The following KSR1 variants were observed in gnomAD, a reference collection of about 807,000 sequenced individuals.
KSR1 encodes kinase suppressor of ras.
Under a neutral mutation model 92.9 loss-of-function variants are expected in KSR1, and 35 were observed. The ratio of observed to expected loss-of-function variants is 0.38; its 90% CI spans 0.29 to 0.50. KSR1 has a LOEUF of 0.50. KSR1 is among the 20% of genes least tolerant of loss of function. The probability of loss-of-function intolerance (pLI) is 0.94; values close to 1 mark genes in which losing one functional copy is unlikely to be tolerated. For synonymous variants in KSR1, 467 were observed against 472.6 expected (o/e 0.99, Z 0.15); for missense variants, 972 against 1,158.5 (o/e 0.84, Z 2.34).
intron 1 of KSR1, among the ~76,000 whole-genome samples, chr17:27,546,389 T>C (rs1270778721): frequency 6.6e-6 from 1 of 152,208 alleles, no homozygotes; most frequent in Admixed American, 6.5e-5. Context: ...GAAAAATTAA[T>C]TATCTTCCTT....
At chr17:27,583,176 G>A in intron 4 of KSR1, 71 bp downstream of exon 4, 1 of 1,118,488 alleles carries the variant, frequency 8.9e-7, no homozygotes, top group East Asian at 2.6e-5. Flanking sequence ...TATATGGAAG[G>A]ACCAATAAAA....
intron 17 of KSR1, 56 bp downstream of exon 17, chr17:27,610,254 T>C (rs2073877172): frequency 6.2e-7 from 1 of 1,609,994 alleles, no homozygotes; most frequent in South Asian, 1.1e-5. Context: ...AGGGCCCTGG[T>C]GGCCATTGGG....
At chr17:27,587,635 T>A (rs1172502712) in intron 5 of KSR1, 1 of 152,296 alleles carries the variant, frequency 6.6e-6, no homozygotes, top group Admixed American at 6.5e-5. Context: ...AGCCCACCCA[T>A]GGGCTGGCTC....
rs1316240118 is a variant in KSR1 at position 27,577,479 on chromosome 17, T to C, written c.373-13T>C. On this transcript the variant is annotated splice_polypyrimidine_tract_variant and intron_variant, in intron 2 of 20. Coordinates refer to ENST00000644974, the MANE Select transcript of KSR1 (RefSeq NM_001394583.1). This position sits in a 1 kb window ranked among gnomAD's most constrained non-coding sequence, Gnocchi z 4.5. ...TGCTCACCGCCTCTCTGCCTGTCCCTCTGTCCCCTTAGGAGATCCCCCGAG... is the reference window on the plus strand; with the variant it reads ...TGCTCACCGCCTCTCTGCCTGTCCCCCTGTCCCCTTAGGAGATCCCCCGAG... 2 of 1,477,096 alleles carry C rather than the reference T, an allele frequency of 1.4e-6. No homozygotes were observed. The highest frequency in any genetic ancestry group is 2.4e-5 in the South Asian group (2 of 83,122). The allele number at this position is 1,477,096 out of a possible 1,614,324, so 91.5% of individuals were successfully genotyped here.
intron 1 of KSR1, among the ~76,000 whole-genome samples, chr17:27,521,897 C>T (rs972914249): frequency 6.6e-6 from 1 of 152,210 alleles, no homozygotes; most frequent in South Asian, 2.1e-4. Flanking sequence ...TGCTTATCAC[C>T]CATGCTGCTA....
At chr17:27,616,084 A>G (rs2074046060) in intron 18 of KSR1, among the ~76,000 whole-genome samples, 1 of 152,078 alleles carries the variant, frequency 6.6e-6, no homozygotes, top group Admixed American at 6.5e-5. Flanking sequence ...CTGAGGGTAG[A>G]GTTTTTTTGT....
intron 18 of KSR1, among the ~76,000 whole-genome samples, chr17:27,611,970 A>C (rs1455879054): frequency 2.6e-5 from 4 of 152,218 alleles, no homozygotes; most frequent in African/African-American, 9.7e-5. Context: ...TTTTTTAAAA[A>C]AATCACTGCT....
At chr17:27,547,672 G>A (rs779375141) in intron 1 of KSR1, among the ~76,000 whole-genome samples, 19 of 152,168 alleles carry the variant, frequency 1.2e-4, no homozygotes, top group Non-Finnish European at 2.5e-4. Flanking sequence ...AGGCTGAAGT[G>A]CAGTCAGACA....
At chr17:27,585,520 G>A in intron 4 of KSR1, 137 bp from the exon 5 acceptor site, 1 of 701,346 alleles carries the variant, frequency 1.4e-6, no homozygotes, top group East Asian at 2.7e-5. Flanking sequence ...GAGTCAATCA[G>A]CCAGTCTGGC....
At chr17:27,540,803 C>A (rs184646625) in intron 1 of KSR1, among the ~76,000 whole-genome samples, 3 of 152,236 alleles carry the variant, frequency 2.0e-5, no homozygotes, top group Admixed American at 6.5e-5. Context: ...ATGGTCGCTG[C>A]GTGCCTGTGC....
At chr17:27,494,212 C>A (rs1022277953) in intron 1 of KSR1, among the ~76,000 whole-genome samples, 1 of 151,632 alleles carries the variant, frequency 6.6e-6, no homozygotes, top group Non-Finnish European at 1.5e-5. Flanking sequence ...TTTTTATGGC[C>A]CTTAAAGACT....
intron 2 of KSR1, among the ~76,000 whole-genome samples, chr17:27,566,845 AC>A (rs1251635043): frequency 6.6e-6 from 1 of 152,204 alleles, no homozygotes; most frequent in Non-Finnish European, 1.5e-5. Context: ...AGTAGGACAC[AC>A]ACTTGTTCTG....
chr17:27,588,811 GA>G (rs2073067077), intron 6 of KSR1, among the ~76,000 whole-genome samples: 2 of 152,292 alleles, frequency 1.3e-5, no homozygotes, highest in South Asian at 4.1e-4. Flanking sequence ...GGTCCCGGGA[GA>G]AATAAGGTCA....
At chr17:27,489,353 T>C (rs1859394384) in intron 1 of KSR1, among the ~76,000 whole-genome samples, 1 of 152,230 alleles carries the variant, frequency 6.6e-6, no homozygotes, top group Non-Finnish European at 1.5e-5. Flanking sequence ...GGTCTGCCCT[T>C]CTGCTTTTCT....
At chr17:27,545,274 CCT>C (rs568397395) in intron 1 of KSR1, among the ~76,000 whole-genome samples, 3 of 152,212 alleles carry the variant, frequency 2.0e-5, no homozygotes, top group Non-Finnish European at 4.4e-5. Flanking sequence ...TGTTCAGACC[CCT>C]GTCTCATCAC....
intron 2 of KSR1, among the ~76,000 whole-genome samples, chr17:27,573,164 C>T (rs182592370): frequency 6.6e-6 from 1 of 152,362 alleles, no homozygotes; most frequent in East Asian, 1.9e-4. Flanking sequence ...GCCCCATGTT[C>T]CTCATGGACA....
chr17:27,556,069 A>C (rs913964024), intron 2 of KSR1, among the ~76,000 whole-genome samples: 1 of 152,216 alleles, frequency 6.6e-6, no homozygotes. Flanking sequence ...GGTTACAAAC[A>C]CTGCTACCAA....
intron 1 of KSR1, among the ~76,000 whole-genome samples, chr17:27,482,156 G>A (rs529161759): frequency 6.6e-6 from 1 of 152,222 alleles, no homozygotes; most frequent in East Asian, 1.9e-4. Flanking sequence ...CAGGCGTGGT[G>A]GCTCATGCCT....
chr17:27,577,238 C>T lies in KSR1; in HGVS notation c.373-254C>T, dbSNP rs916286088. ...AGAAACAAGCTGGGCAACATGCCCT[C>T]GTCCAAACCTTTCTGGTCTTTACTT... On this transcript the variant is annotated intron_variant, in intron 2 of 20. Transcript: ENST00000644974. The surrounding 1 kb of genome is among the most constrained non-coding windows in gnomAD (Gnocchi z 4.5). Among the ~76,000 whole-genome samples, 25 of 152,118 alleles carry T rather than the reference C, an allele frequency of 1.6e-4. No homozygotes were observed. Among genetic ancestry groups the T allele is most frequent in the African/African-American group, 5.6e-4 (23 of 41,416 alleles).
Sources: allele counts gnomAD v4.1 joint callset (sites outside exome capture counted in the v4.1 genomes callset), GRCh38; gene constraint gnomAD v4.1.1; non-coding constraint Gnocchi (gnomAD v3.1); transcripts MANE v1.5; gene names NCBI Gene and HGNC (gene_info 2026-07-23, HGNC 2026-07-21).